The following DLG2 variants were observed in gnomAD, a reference collection of about 807,000 sequenced individuals.
DLG2 encodes the protein disks large homolog 2.
Under a neutral mutation model 132.5 loss-of-function variants are expected in DLG2, and 45 were observed. That is an observed-to-expected ratio of 0.34 (90% CI 0.27 to 0.44). The LOEUF (loss-of-function observed/expected upper bound fraction) is 0.44, where lower values mean the gene tolerates loss of function less well. DLG2 is among the 20% of genes least tolerant of loss of function. The pLI is 1.00. For missense variants in DLG2, 1,045 were observed against 1,196.9 expected, an observed-to-expected ratio of 0.87 and a Z score of 1.87; for synonymous variants, 424 against 419.6, an observed-to-expected ratio of 1.01 and a Z score of -0.13.
intron 6 of DLG2, among the ~76,000 whole-genome samples, chr11:84,784,052 C>T (rs1361301598): frequency 2.9e-5 from 4 of 139,796 alleles, no homozygotes; most frequent in Non-Finnish European, 6.1e-5. Context: ...AATCCCAGCA[C>T]TTTGGGAGGC....
intron 21 of DLG2, among the ~76,000 whole-genome samples, chr11:83,520,678 G>A (rs1382136935): frequency 6.7e-6 from 1 of 149,344 alleles, no homozygotes; most frequent in Non-Finnish European, 1.5e-5. Flanking sequence ...AAGAAAGACA[G>A]ACAGGTAAGT....
chr11:85,345,777 C>T (rs1211047651), intron 3 of DLG2, among the ~76,000 whole-genome samples: 1 of 152,018 alleles, frequency 6.6e-6, no homozygotes, highest in African/African-American at 2.4e-5. Flanking sequence ...GAAAAATTAC[C>T]ATTGAGAATT....
chr11:84,084,203 T>C (rs958797969), intron 10 of DLG2, among the ~76,000 whole-genome samples: 5 of 152,170 alleles, frequency 3.3e-5, no homozygotes, highest in African/African-American at 1.2e-4. Flanking sequence ...AGGGCTCTCA[T>C]GAGGTAAGAA....
intron 6 of DLG2, among the ~76,000 whole-genome samples, chr11:84,649,217 T>G (rs936129779): frequency 1.3e-5 from 2 of 152,210 alleles, no homozygotes; most frequent in African/African-American, 4.8e-5. Context: ...CTCTTGAATA[T>G]GACCATTAAG....
At chr11:85,135,804 T>TA (rs2076102040) in intron 5 of DLG2, among the ~76,000 whole-genome samples, 1 of 152,206 alleles carries the variant, frequency 6.6e-6, no homozygotes, top group South Asian at 2.1e-4. Context: ...AGAATCTACT[T>TA]ATGTGGAAAC....
intron 6 of DLG2, among the ~76,000 whole-genome samples, chr11:84,683,935 T>C (rs1388781870): frequency 6.6e-6 from 1 of 152,198 alleles, no homozygotes; most frequent in Non-Finnish European, 1.5e-5. Context: ...AAAACATCTA[T>C]ACCAACAAAA....
chr11:84,192,605 C>A (rs1304222668), intron 8 of DLG2, among the ~76,000 whole-genome samples: 1 of 152,066 alleles, frequency 6.6e-6, no homozygotes, highest in African/African-American at 2.4e-5. Context: ...TGGCAGGCGC[C>A]TGTAGTCCCA....
At chr11:84,335,911 G>A (rs2154403518) in intron 7 of DLG2, among the ~76,000 whole-genome samples, 1 of 152,234 alleles carries the variant, frequency 6.6e-6, no homozygotes, top group Non-Finnish European at 1.5e-5. Context: ...TCAGTCTATG[G>A]TATTTACAGG....
chr11:84,494,663 T>A (rs1002024123), intron 7 of DLG2, among the ~76,000 whole-genome samples: 2 of 152,052 alleles, frequency 1.3e-5, no homozygotes, highest in Non-Finnish European at 2.9e-5. Context: ...GAGGAAAGCA[T>A]TTATTATAGC....
At chr11:85,335,347 G>T (rs1192598624) in intron 3 of DLG2, among the ~76,000 whole-genome samples, 1 of 152,018 alleles carries the variant, frequency 6.6e-6, no homozygotes, top group African/African-American at 2.4e-5. Flanking sequence ...ACAGCATACA[G>T]TTGGGTCTTT....
At chr11:83,600,236 GGTGTGTGTGT>G (rs57674131) in intron 19 of DLG2, among the ~76,000 whole-genome samples, 2 of 145,624 alleles carry the variant, frequency 1.4e-5, no homozygotes, top group South Asian at 2.2e-4. Context: ...CTAGCTATAG[GGTGTGTGTGT>G]GTGTGTGTGT....
At chr11:84,733,932 A>G (rs1338362623) in intron 6 of DLG2, among the ~76,000 whole-genome samples, 1 of 152,112 alleles carries the variant, frequency 6.6e-6, no homozygotes, top group Non-Finnish European at 1.5e-5. Flanking sequence ...AGGTTTGTCA[A>G]AGATCAGATG....
chr11:85,422,969 T>C (rs968444662), intron 3 of DLG2, among the ~76,000 whole-genome samples: 12 of 57,292 alleles, frequency 2.1e-4, no homozygotes, highest in Non-Finnish European at 3.0e-4. Context: ...TTGGTTTGGG[T>C]CCATTTTTTT....
chr11:84,099,777 C>T lies in DLG2; in HGVS notation c.625-730G>A, dbSNP rs182265601. Among the ~76,000 whole-genome samples the T allele has an allele frequency of 6.6e-4, 91 of 137,600 alleles. 1 individual carries two copies. The highest frequency in any genetic ancestry group is 2.3e-3 in the African/African-American group (85 of 37,110). 90.3% of individuals were successfully genotyped at this position (137,600 alleles called of 152,430 possible). A position where few individuals can be genotyped will look rare whatever the true frequency, so the allele number is the denominator to read the frequency against. ...CATATATACATATATATACATACAT[C>T]GCTTTCTAAAGATATATATATAAGG... On this transcript the variant is annotated intron_variant, in intron 9 of 27. Coordinates refer to ENST00000376104, the MANE Select transcript of DLG2 (RefSeq NM_001142699.3).
intron 6 of DLG2, among the ~76,000 whole-genome samples, chr11:84,845,232 T>G (rs1410093956): frequency 4.6e-5 from 7 of 152,102 alleles, no homozygotes; most frequent in Non-Finnish European, 8.8e-5. Context: ...TTATCTCCCA[T>G]GTGAATCTAA....
intron 7 of DLG2, among the ~76,000 whole-genome samples, chr11:84,497,432 T>A (rs964758119): frequency 2.0e-5 from 3 of 152,062 alleles, no homozygotes; most frequent in East Asian, 1.9e-4. Flanking sequence ...ACTTGAAGCA[T>A]CCTAAATGTG....
intron 11 of DLG2, among the ~76,000 whole-genome samples, chr11:83,981,264 C>G (rs942595398): frequency 2.0e-5 from 3 of 151,982 alleles, no homozygotes; most frequent in Non-Finnish European, 4.4e-5. Context: ...TCTCTTGCCA[C>G]CTTGTCATAT....
chr11:85,135,113 T>C (rs532228762), intron 5 of DLG2, among the ~76,000 whole-genome samples: 1 of 152,232 alleles, frequency 6.6e-6, no homozygotes, highest in East Asian at 1.9e-4. Flanking sequence ...TATATCTTTA[T>C]GTACCAGCGT....
chr11:85,050,830 C>T (rs1327337916), intron 6 of DLG2, among the ~76,000 whole-genome samples: 1 of 152,094 alleles, frequency 6.6e-6, no homozygotes, highest in South Asian at 2.1e-4. Context: ...CCTACTCATG[C>T]TTTTTTAATC....
Sources: gnomAD v4.1 joint callset for allele counts (sites outside exome capture counted in the v4.1 genomes callset) on GRCh38, gnomAD v4.1.1 for gene constraint, MANE v1.5 for transcripts, NCBI Gene and HGNC (gene_info 2026-07-23, HGNC 2026-07-21) for gene names.